VSTM4: variants seen among roughly 807,000 people sequenced by gnomAD.
VSTM4 encodes V-set and transmembrane domain containing 4, also known as V-set and transmembrane domain-containing protein 4.
A neutral mutation model predicts 36.4 loss-of-function variants in VSTM4; 20 were observed. The observed-to-expected ratio is 0.55, with a 90% CI of 0.39 to 0.80. The LOEUF (loss-of-function observed/expected upper bound fraction) is 0.80. Ranked by LOEUF, VSTM4 falls within the 30% of genes least tolerant of loss-of-function variation. The pLI, the probability that VSTM4 is intolerant of heterozygous loss-of-function variation, is 0.00. For synonymous variants in VSTM4, 182 were observed against 173.9 expected, an observed-to-expected ratio of 1.05 and a Z score of -0.37; for missense variants, 392 against 404.5, an observed-to-expected ratio of 0.97 and a Z score of 0.26.
chr10:49,100,276 G>C (rs909214075), intron 2 of VSTM4, among the ~76,000 whole-genome samples: 1 of 151,614 alleles, frequency 6.6e-6, no homozygotes, highest in African/African-American at 2.4e-5. Flanking sequence ...ATACAGAAAG[G>C]GTACAGGTAG....
intron 4 of VSTM4, among the ~76,000 whole-genome samples, chr10:49,076,635 A>G (rs1318173431): frequency 2.0e-5 from 3 of 152,206 alleles, no homozygotes; most frequent in African/African-American, 7.2e-5. Context: ...CAGTGTTCAT[A>G]GAGATATGAG....
chr10:49,093,794 C>G (rs1316038309), intron 2 of VSTM4, among the ~76,000 whole-genome samples: 6 of 134,894 alleles, frequency 4.4e-5, no homozygotes, highest in Non-Finnish European at 9.1e-5. Context: ...GTCGCCCAGG[C>G]TGGAGTGCAG....
chr10:49,036,331 A>C (rs144593229), intron 7 of VSTM4, among the ~76,000 whole-genome samples: 1 of 152,328 alleles, frequency 6.6e-6, no homozygotes, highest in African/African-American at 2.4e-5. Context: ...AAATGGTACT[A>C]GCGTGGTACA....
rs1400176895 is a variant in VSTM4, at chr10:49,017,540, G to A, written c.*2110C>T. 6.6e-6 allele frequency: 1 copy of A among 152,246 alleles called. No homozygotes were observed. The highest frequency in any genetic ancestry group is 1.5e-5 in the Non-Finnish European group (1 of 68,056). 9.4% of individuals were successfully genotyped at this position (152,246 alleles called of 1,614,324 possible). A position where few individuals can be genotyped will look rare whatever the true frequency, so the allele number is the denominator to read the frequency against. On this transcript the variant is annotated 3_prime_UTR_variant, in exon 8 of 8. Coordinates refer to ENST00000332853, the MANE Select transcript of VSTM4 (RefSeq NM_001031746.5). ...CTAGCTCTTAAGAGCATGTGTTCTT[G>A]GTAGAATGTGTTCCTGTCCATGCAT...
chr10:49,041,672 T>C (rs1843523765), intron 7 of VSTM4, among the ~76,000 whole-genome samples: 1 of 152,196 alleles, frequency 6.6e-6, no homozygotes, highest in East Asian at 1.9e-4. Context: ...AATGGATAAA[T>C]GAGAGGTGGG....
chr10:49,019,858 T>C (rs564768464), intron 7 of VSTM4, 83 bp from the exon 8 acceptor site: 32 of 1,501,128 alleles, frequency 2.1e-5, no homozygotes, highest in Non-Finnish European at 2.8e-5. Context: ...CAAGTATGCA[T>C]GTTCATAGCA....
chr10:49,105,034 CCAGAGAGACAGAGGGAG>C (rs1564597099), intron 2 of VSTM4, among the ~76,000 whole-genome samples: 2 of 147,844 alleles, frequency 1.4e-5, no homozygotes, highest in South Asian at 4.3e-4. Flanking sequence ...GGGAGAGAGA[CCAGAGAGACAGAGGGAG>C]ACAGAGAGAG....
At chr10:49,108,084 C>T in intron 1 of VSTM4, 89 bp from the exon 2 acceptor site, 1 of 1,447,286 alleles carries the variant, frequency 6.9e-7, no homozygotes, top group Non-Finnish European at 9.1e-7. Flanking sequence ...GAAATGCCTC[C>T]ACGCACTGGG....
In VSTM4 at chr10:49,017,460, G is replaced by C. The variant is rs928404435; in HGVS notation, c.*2190C>G. On this transcript the variant is annotated 3_prime_UTR_variant, in exon 8 of 8. Coordinates refer to ENST00000332853, the MANE Select transcript of VSTM4 (RefSeq NM_001031746.5). Reference sequence around the variant, plus strand: ...TGATGACCACAGTTTGGGAGAAAGAGGCTGGATTCAATCTATAATATAACA... The same window carrying C: ...TGATGACCACAGTTTGGGAGAAAGACGCTGGATTCAATCTATAATATAACA... 2 of 152,236 alleles carry C rather than the reference G, an allele frequency of 1.3e-5. No homozygotes were observed. The highest frequency in any genetic ancestry group is 3.2e-3 in the Middle Eastern group (1 of 316). The allele number at this position is 152,236 out of a possible 1,614,324, so 9.4% of individuals were successfully genotyped here.
rs1843078013 is a variant in VSTM4 at position 49,014,693 on chromosome 10, T to A, written c.*4957A>T. 1 of 152,192 alleles carries A rather than the reference T, an allele frequency of 6.6e-6. No homozygotes were observed. Among genetic ancestry groups the A allele is most frequent in the Non-Finnish European group, 1.5e-5 (1 of 68,056 alleles). 9.4% of individuals were successfully genotyped at this position (152,192 alleles called of 1,614,324 possible). A position where few individuals can be genotyped will look rare whatever the true frequency, so the allele number is the denominator to read the frequency against. On this transcript the variant is annotated 3_prime_UTR_variant, in exon 8 of 8. Transcript: ENST00000332853. ...ATGAGCAAAGGCTTAACCTCTATTCTCCCTGCCCTCTGCAGAGTTCACACT... is the reference window on the plus strand; with the variant it reads ...ATGAGCAAAGGCTTAACCTCTATTCACCCTGCCCTCTGCAGAGTTCACACT...
intron 4 of VSTM4, 121 bp downstream of exon 4, chr10:49,077,098 G>A: frequency 1.0e-6 from 1 of 985,522 alleles, no homozygotes; most frequent in Non-Finnish European, 1.5e-6. Context: ...ACAGTCACAG[G>A]TAAATAATCC....
In VSTM4 at chr10:49,053,010, T is replaced by C. The variant is rs139004230; in HGVS notation, c.669-4426A>G. On this transcript the variant is annotated intron_variant, in intron 5 of 7. Coordinates refer to ENST00000332853, the MANE Select transcript of VSTM4 (RefSeq NM_001031746.5). ...TGAGCCAGCAGGACTGGTCGGAATA[T>C]TTGGCAAGGAAAGTCCACCTTATGA... 4.2e-4 allele frequency among the ~76,000 whole-genome samples: 64 copies of C among 152,322 alleles called. 1 individual carries two copies. The East Asian group carries it at 0.012, about 28-fold the overall frequency.
chr10:49,033,873 C>G (rs528274107), intron 7 of VSTM4, among the ~76,000 whole-genome samples: 1 of 152,060 alleles, frequency 6.6e-6, no homozygotes, highest in South Asian at 2.1e-4. Context: ...TGAGCATTAT[C>G]ATTATCATCA....
At chr10:49,110,155 C>T (rs1157037196) in intron 1 of VSTM4, among the ~76,000 whole-genome samples, 1 of 152,214 alleles carries the variant, frequency 6.6e-6, no homozygotes, top group Non-Finnish European at 1.5e-5. Context: ...GCCAGGAGAG[C>T]TGAGGAAGGC....
intron 3 of VSTM4, among the ~76,000 whole-genome samples, chr10:49,078,933 G>T (rs926837907): frequency 6.6e-6 from 1 of 152,118 alleles, no homozygotes; most frequent in African/African-American, 2.4e-5. Flanking sequence ...TCAGGTTCAA[G>T]CATTTCTCCA....
intron 3 of VSTM4, among the ~76,000 whole-genome samples, chr10:49,085,251 C>T (rs1362307407): frequency 6.6e-6 from 1 of 152,236 alleles, no homozygotes; most frequent in Non-Finnish European, 1.5e-5. Flanking sequence ...TGTTCCAAGG[C>T]CATGGTTCTC....
chr10:49,039,027 C>A (rs1194416542), intron 7 of VSTM4, among the ~76,000 whole-genome samples: 1 of 152,126 alleles, frequency 6.6e-6, no homozygotes, highest in African/African-American at 2.4e-5. Context: ...GCATCCAGGA[C>A]AGAGGAACCG....
intron 7 of VSTM4, among the ~76,000 whole-genome samples, chr10:49,043,061 G>C (rs1040818220): frequency 3.3e-5 from 5 of 152,114 alleles, no homozygotes; most frequent in African/African-American, 1.2e-4. Flanking sequence ...GGAAATGAGA[G>C]AGAGGGATGG....
At position 49,056,350 on chromosome 10, in the gene VSTM4, G is replaced by A. The variant is rs78416920; in HGVS notation, c.669-7766C>T. On this transcript the variant is annotated intron_variant, in intron 5 of 7. Coordinates refer to ENST00000332853, the MANE Select transcript of VSTM4 (RefSeq NM_001031746.5). ...GGAGATACTTTAGTGGTGCTCCACA[G>A]GGTCGCAGGCTTGGCTCCTAGTAAT... 9.1e-3 allele frequency among the ~76,000 whole-genome samples: 1,389 copies of A among 152,386 alleles called. 15 individuals are homozygous for A. The highest frequency in any genetic ancestry group is 0.027 in the African/African-American group (1,112 of 41,598).
Sources: allele counts gnomAD v4.1 joint callset (sites outside exome capture counted in the v4.1 genomes callset), GRCh38; gene constraint gnomAD v4.1.1; transcripts MANE v1.5; gene names NCBI Gene and HGNC (gene_info 2026-07-23, HGNC 2026-07-21).